Variants in SNX25 observed in about 807,000 individuals in gnomAD.
SNX25 encodes the protein sorting nexin-25.
Under a neutral mutation model 113.7 loss-of-function variants are expected in SNX25, and 62 were observed. That is an observed-to-expected ratio of 0.55 (90% CI 0.44 to 0.67). SNX25 has a LOEUF of 0.67. Ranked by LOEUF, SNX25 falls within the 30% of genes least tolerant of loss-of-function variation. The pLI is 0.00. For missense variants in SNX25, 1,014 were observed against 1,161.0 expected (o/e 0.87, Z 1.84); for synonymous variants, 421 against 436.2 (o/e 0.97, Z 0.43).
intron 13 of SNX25, among the ~76,000 whole-genome samples, chr4:185,347,953 A>G (rs2095296220): frequency 6.6e-6 from 1 of 152,160 alleles, no homozygotes; most frequent in African/African-American, 2.4e-5. Context: ...CTCAATTTTA[A>G]TTTAGCCCAC....
At chr4:185,236,218 A>G (rs1167776817) in intron 1 of SNX25, among the ~76,000 whole-genome samples, 3 of 152,144 alleles carry the variant, frequency 2.0e-5, no homozygotes, top group African/African-American at 4.8e-5. Context: ...GCCTTCCAAG[A>G]AGGTTTGCAT....
At chr4:185,321,012 G>T in intron 8 of SNX25, 148 bp downstream of exon 8, 1 of 616,816 alleles carries the variant, frequency 1.6e-6, no homozygotes, top group Non-Finnish European at 2.4e-6. Flanking sequence ...AGCCCATAAT[G>T]GCAAATAAAA....
chr4:185,283,011 G>C (rs186326751), intron 5 of SNX25, among the ~76,000 whole-genome samples: 1 of 152,290 alleles, frequency 6.6e-6, no homozygotes, highest in African/African-American at 2.4e-5. Flanking sequence ...GAATGAGAAA[G>C]TCAATCATTT....
At chr4:185,214,073 G>C (rs1738379297) in intron 1 of SNX25, among the ~76,000 whole-genome samples, 1 of 151,050 alleles carries the variant, frequency 6.6e-6, no homozygotes, top group Non-Finnish European at 1.5e-5. Flanking sequence ...TTTTCCCCCA[G>C]TTCCCCACTT....
chr4:185,328,752 A>G (rs1236607847), intron 9 of SNX25, among the ~76,000 whole-genome samples: 2 of 152,194 alleles, frequency 1.3e-5, no homozygotes, highest in African/African-American at 4.8e-5. Flanking sequence ...AAGGGACATG[A>G]ACGCGAGCAG....
Position 185,239,438 on chromosome 4 carries a change from G to A in SNX25, c.430-7856G>A, listed in dbSNP as rs184259772. ...GCGGAGCTTGCAGTGAGCTGAGATC[G>A]CACCGCTGCACTCCAGCCTGGCAAC... On this transcript the variant is annotated intron_variant, in intron 1 of 18. Coordinates refer to ENST00000652585, the MANE Select transcript of SNX25 (RefSeq NM_001378034.2). 7.9e-4 allele frequency among the ~76,000 whole-genome samples: 119 copies of A among 151,504 alleles called. No individual in the cohort carries two copies. In the East Asian group the frequency reaches 0.013, roughly 16 times the overall value.
intron 1 of SNX25, among the ~76,000 whole-genome samples, chr4:185,230,474 C>T (rs371796269): frequency 1.3e-5 from 2 of 150,742 alleles, no homozygotes; most frequent in East Asian, 2.0e-4. Context: ...GCTCACGCAA[C>T]ATCCGCCTCC....
chr4:185,282,328 A>G (rs1186022389), intron 5 of SNX25, among the ~76,000 whole-genome samples: 1 of 151,836 alleles, frequency 6.6e-6, no homozygotes, highest in Non-Finnish European at 1.5e-5. Context: ...TGTCCAGCTT[A>G]TTTATTTATT....
At chr4:185,248,876 T>G (rs1361341886) in intron 2 of SNX25, among the ~76,000 whole-genome samples, 1 of 152,230 alleles carries the variant, frequency 6.6e-6, no homozygotes, top group Non-Finnish European at 1.5e-5. Flanking sequence ...TCATTTTGTC[T>G]CTTCTAAAAC....
chr4:185,211,868 C>G (rs563378228), intron 1 of SNX25, among the ~76,000 whole-genome samples: 1 of 152,284 alleles, frequency 6.6e-6, no homozygotes, highest in South Asian at 2.1e-4. Context: ...GGTTAGCACT[C>G]TGTTTCCTGG....
chr4:185,247,345 A>G lies in SNX25; in HGVS notation c.481A>G (p.Ile161Val). The G allele has an allele frequency of 6.2e-7, 1 of 1,610,820 alleles. No homozygotes were observed. The highest frequency in any genetic ancestry group is 2.2e-5 in the East Asian group (1 of 44,718). The change falls in exon 2 of 19, where the codon ATT becomes GTT. Residue 161 changes from isoleucine (I) to valine (V), a missense_variant. Coordinates refer to ENST00000652585, the MANE Select transcript of SNX25 (RefSeq NM_001378034.2). ...GTCAGCTCAGTCTAGAAGGGTAGTAATTTCTCATAATATGGATAAAGCTCT... is the reference window on the plus strand; with the variant it reads ...GTCAGCTCAGTCTAGAAGGGTAGTAGTTTCTCATAATATGGATAAAGCTCT... ...HESAQSRRVV[I>V]SHNMDKALKE...
chr4:185,326,749 A>G (rs2095160040), intron 9 of SNX25, among the ~76,000 whole-genome samples: 1 of 152,194 alleles, frequency 6.6e-6, no homozygotes, highest in Admixed American at 6.5e-5. Flanking sequence ...GTGTGCTATT[A>G]ATGTTAAACT....
chr4:185,225,113 GTCT>G (rs1352964389), intron 1 of SNX25, among the ~76,000 whole-genome samples: 1 of 148,072 alleles, frequency 6.8e-6, no homozygotes, highest in Non-Finnish European at 1.5e-5. Flanking sequence ...TATATTCTAT[GTCT>G]TCTTTTTTTT....
Position 185,362,168 on chromosome 4 carries a change from G to A in SNX25, c.2833+63G>A, listed in dbSNP as rs1232799732. 7 of 1,478,654 alleles carry A rather than the reference G, an allele frequency of 4.7e-6. No individual in the cohort carries two copies. The South Asian group carries it at 8.3e-5, about 18-fold the overall frequency. The allele number at this position is 1,478,654 out of a possible 1,614,324, so 91.6% of individuals were successfully genotyped here. A position where few individuals can be genotyped will look rare whatever the true frequency, so the allele number is the denominator to read the frequency against. On this transcript the variant is annotated intron_variant, in intron 17 of 18. Coordinates refer to ENST00000652585, the MANE Select transcript of SNX25 (RefSeq NM_001378034.2). Reference sequence around the variant, plus strand: ...CTGAGGGAATGTGAACCCCACTGAGGTGATTTTCATTTATGTCTTGCAGGA... The same window carrying A: ...CTGAGGGAATGTGAACCCCACTGAGATGATTTTCATTTATGTCTTGCAGGA...
intron 8 of SNX25, among the ~76,000 whole-genome samples, chr4:185,322,916 C>T (rs761778572): frequency 6.6e-6 from 1 of 152,166 alleles, no homozygotes; most frequent in Non-Finnish European, 1.5e-5. Context: ...AACTGCGTAA[C>T]ATTTCTAGAG....
intron 10 of SNX25, among the ~76,000 whole-genome samples, chr4:185,336,655 C>T (rs1345366173): frequency 1.3e-5 from 2 of 152,090 alleles, no homozygotes; most frequent in Admixed American, 1.3e-4. Context: ...TGTATAATGA[C>T]TTCTTTTCCT....
In SNX25 at chr4:185,234,524, T is replaced by G. The variant is rs1390942801; in HGVS notation, c.430-12770T>G. On this transcript the variant is annotated intron_variant, in intron 1 of 18. Coordinates refer to ENST00000652585, the MANE Select transcript of SNX25 (RefSeq NM_001378034.2). ...GGTGAAACCCCGTCTCTACTAAAAA[T>G]ACAAAAAATTAGCCGGGCGTGGTGG... Among the ~76,000 whole-genome samples the G allele has an allele frequency of 8.6e-5, 6 of 70,108 alleles. 2 individuals are homozygous for G. Among genetic ancestry groups the G allele is most frequent in the African/African-American group, 2.9e-4 (6 of 20,860 alleles). The allele number at this position is 70,108 out of a possible 152,430, so 46.0% of individuals were successfully genotyped here.
chr4:185,239,988 C>G (rs1240613345), intron 1 of SNX25, among the ~76,000 whole-genome samples: 2 of 150,766 alleles, frequency 1.3e-5, no homozygotes, highest in Non-Finnish European at 3.0e-5. Flanking sequence ...ATGCTTCCTT[C>G]AAGCATCTGT....
At chr4:185,306,204 G>T (rs1175617436) in intron 6 of SNX25, among the ~76,000 whole-genome samples, 1 of 152,228 alleles carries the variant, frequency 6.6e-6, no homozygotes, top group East Asian at 1.9e-4. Context: ...GATTTACAAG[G>T]ATTTTTGCAT....
Sources: allele counts gnomAD v4.1 joint callset (sites outside exome capture counted in the v4.1 genomes callset), GRCh38; gene constraint gnomAD v4.1.1; transcripts MANE v1.5; gene names NCBI Gene and HGNC (gene_info 2026-07-23, HGNC 2026-07-21).